Variants in INSC observed in about 807,000 individuals in gnomAD.
INSC encodes the protein INSC spindle orientation adaptor protein.
INSC carries 67 observed loss-of-function variants against 58.6 expected under a neutral mutation model. That is an observed-to-expected ratio of 1.14 (90% confidence interval 0.94 to 1.40). The LOEUF (loss-of-function observed/expected upper bound fraction) is 1.40. Among genes scored for constraint, INSC ranks in the 40% most tolerant of loss-of-function variants. INSC has a pLI of 0.00. For synonymous variants in INSC, 262 were observed against 276.1 expected (o/e 0.95, Z 0.51); for missense variants, 714 against 692.0 (o/e 1.03, Z -0.36).
the INSC span, among the ~76,000 whole-genome samples, chr11:15,259,582 C>T: frequency 6.6e-6 from 1 of 152,134 alleles, no homozygotes; most frequent in Non-Finnish European, 1.5e-5. Flanking sequence ...AGTTAGTTCT[C>T]ATATTCTTTC....
At chr11:15,190,554 C>T (rs1850125971) in intron 5 of INSC, 147 bp from the exon 6 acceptor site, 3 of 679,590 alleles carry the variant, frequency 4.4e-6, no homozygotes. Flanking sequence ...GCTAGAACTT[C>T]ATTGCACTCA....
At chr11:15,130,388 A>C (rs1428468552) in intron 1 of INSC, among the ~76,000 whole-genome samples, 1 of 152,120 alleles carries the variant, frequency 6.6e-6, no homozygotes, top group Non-Finnish European at 1.5e-5. Context: ...AGTTTCACTG[A>C]TCTGTTTTCT....
chr11:15,216,434 T>G (rs1851221273), intron 7 of INSC, among the ~76,000 whole-genome samples: 1 of 152,232 alleles, frequency 6.6e-6, no homozygotes, highest in Admixed American at 6.5e-5. Context: ...ATTTTCGTGT[T>G]GCTGTGCGTC....
intron 2 of INSC, among the ~76,000 whole-genome samples, chr11:15,173,446 T>C (rs981633939): frequency 6.6e-6 from 1 of 152,102 alleles, no homozygotes; most frequent in African/African-American, 2.4e-5. Context: ...AAGGGAATGG[T>C]AATAAGATGC....
At chr11:15,247,756 T>TATATATATA (rs1473234183), downstream of INSC, among the ~76,000 whole-genome samples, 10 of 148,264 alleles carry the variant, frequency 6.7e-5, no homozygotes, top group Admixed American at 1.3e-4. Context: ...TATATATATA[T>TATATATATA]TTCACTGAGT....
At chr11:15,247,288 C>T (rs960301538), downstream of INSC, 5 of 152,116 alleles carry the variant, frequency 3.3e-5, no homozygotes, top group Non-Finnish European at 7.3e-5. Flanking sequence ...TTATTCCTCA[C>T]AATAATCACA....
chr11:15,173,190 G>C (rs906509351), intron 2 of INSC, among the ~76,000 whole-genome samples: 2 of 152,220 alleles, frequency 1.3e-5, no homozygotes, highest in Non-Finnish European at 2.9e-5. Context: ...ACATTGGAAA[G>C]AGTGTTTTAG....
intron 9 of INSC, among the ~76,000 whole-genome samples, chr11:15,231,862 A>G (rs1173466151): frequency 6.6e-6 from 1 of 152,204 alleles, no homozygotes; most frequent in Non-Finnish European, 1.5e-5. Flanking sequence ...GAACACAGGC[A>G]GAGTCAGGGT....
chr11:15,211,254 C>T (rs1170855414), intron 7 of INSC, among the ~76,000 whole-genome samples: 2 of 152,178 alleles, frequency 1.3e-5, no homozygotes, highest in Non-Finnish European at 2.9e-5. Context: ...AGTGTACCGT[C>T]CTCTCTTATT....
At chr11:15,186,367 G>A (rs2133850771) in intron 5 of INSC, among the ~76,000 whole-genome samples, 1 of 152,000 alleles carries the variant, frequency 6.6e-6, no homozygotes, top group African/African-American at 2.4e-5. Context: ...TCTCATGTGG[G>A]TCTCTTTCCT....
At chr11:15,215,842 C>A (rs1377770681) in intron 7 of INSC, among the ~76,000 whole-genome samples, 3 of 152,052 alleles carry the variant, frequency 2.0e-5, no homozygotes, top group African/African-American at 7.2e-5. Flanking sequence ...GAGGGAGGTG[C>A]ATGCATGTTC....
chr11:15,141,865 G>T (rs1013192481), intron 1 of INSC, among the ~76,000 whole-genome samples: 8 of 152,102 alleles, frequency 5.3e-5, no homozygotes, highest in Non-Finnish European at 1.2e-4. Flanking sequence ...GCTTGCACCT[G>T]CCTCTTAAAT....
rs1590022292 is a variant in INSC at position 15,245,950 on chromosome 11, C to A, written c.1509C>A (p.Gly503=). The A allele has an allele frequency of 6.2e-7, 1 of 1,614,210 alleles. No homozygotes were observed. The highest frequency in any genetic ancestry group is 1.6e-4 in the Middle Eastern group (1 of 6,062). ...LRRLAGVCPE[G]LQDSDFQQLV... ...GATTGGCTGGGGTCTGCCCTGAAGG[C>A]CTCCAGGACTCTGACTTTCAGCAGT... The change falls in exon 13 of 13, where the codon GGC becomes GGA. Residue 503 remains glycine (G), a synonymous_variant. Transcript: ENST00000379556.
At chr11:15,149,035 T>TCTG in intron 1 of INSC, 95 bp from the exon 2 acceptor site, 5 of 1,391,242 alleles carry the variant, frequency 3.6e-6, no homozygotes, top group Non-Finnish European at 3.8e-6. Context: ...TACCTCTTTG[T>TCTG]CTGCTTTGGT....
downstream of INSC, among the ~76,000 whole-genome samples, chr11:15,250,418 G>A (rs1350471026): frequency 6.6e-6 from 1 of 152,208 alleles, no homozygotes; most frequent in Non-Finnish European, 1.5e-5. Flanking sequence ...GTAAGTTGTT[G>A]TCATCATCAT....
chr11:15,181,540 C>T (rs1849779289), intron 5 of INSC, among the ~76,000 whole-genome samples: 1 of 152,136 alleles, frequency 6.6e-6, no homozygotes, highest in African/African-American at 2.4e-5. Context: ...ACTAAAGCTG[C>T]TGAAAGAAAC....
chr11:15,172,161 G>A (rs1018284380), intron 2 of INSC, among the ~76,000 whole-genome samples: 3 of 152,230 alleles, frequency 2.0e-5, no homozygotes, highest in Admixed American at 1.3e-4. Context: ...AAGTGCTTAT[G>A]CAGTGAATGA....
In INSC at chr11:15,244,638, C is replaced by T. The variant is rs866508013; in HGVS notation, c.1471-1274C>T. 3.9e-5 allele frequency among the ~76,000 whole-genome samples: 6 copies of T among 152,164 alleles called. 1 individual carries two copies. The highest frequency in any genetic ancestry group is 5.9e-5 in the Non-Finnish European group (4 of 68,034). On this transcript the variant is annotated intron_variant, in intron 12 of 12. Transcript: ENST00000379556. ...GTGATGTCTGGAAGGCCACTTTCCCCCTCTGAGCCCTAGTTTCCTTATTTC... is the reference window on the plus strand; with the variant it reads ...GTGATGTCTGGAAGGCCACTTTCCCTCTCTGAGCCCTAGTTTCCTTATTTC...
intron 11 of INSC, 25 bp downstream of exon 11, chr11:15,239,099 C>A: frequency 6.3e-7 from 1 of 1,598,564 alleles, no homozygotes; most frequent in Non-Finnish European, 8.5e-7. Flanking sequence ...CTGGCTGTGG[C>A]TGGAGTGGAG....
Sources: gnomAD v4.1 joint callset for allele counts (sites outside exome capture counted in the v4.1 genomes callset) on GRCh38, gnomAD v4.1.1 for gene constraint, MANE v1.5 for transcripts, NCBI Gene and HGNC (gene_info 2026-07-23, HGNC 2026-07-21) for gene names.